Variants in ABCG2 observed in about 807,000 individuals in gnomAD.
ABCG2 encodes broad substrate specificity ATP-binding cassette transporter ABCG2.
Under a neutral mutation model 73.5 loss-of-function variants are expected in ABCG2, and 80 were observed. The ratio of observed to expected loss-of-function variants is 1.09; its 90% CI spans 0.91 to 1.31. ABCG2 has a LOEUF of 1.31. Ranked by LOEUF, ABCG2 falls within the 50% of genes most tolerant of loss-of-function variation. ABCG2 has a pLI of 0.00. For missense variants in ABCG2, 796 were observed against 786.2 expected, an observed-to-expected ratio of 1.01 and a Z score of -0.15; for synonymous variants, 269 against 282.4, an observed-to-expected ratio of 0.95 and a Z score of 0.48.
At chr4:88,224,741 C>T (rs919762397) in intron 1 of ABCG2, among the ~76,000 whole-genome samples, 1 of 152,082 alleles carries the variant, frequency 6.6e-6, no homozygotes, top group Non-Finnish European at 1.5e-5. Context: ...TATTTTGTTG[C>T]CTGTGCTTTT....
upstream of ABCG2, among the ~76,000 whole-genome samples, chr4:88,162,789 G>A (rs1347085466): frequency 6.6e-6 from 1 of 152,206 alleles, no homozygotes; most frequent in Non-Finnish European, 1.5e-5. Flanking sequence ...GTGCAAAGGA[G>A]ACTGATTTGC....
chr4:88,199,730 T>A (rs1433749851), intron 1 of ABCG2, among the ~76,000 whole-genome samples: 1 of 152,248 alleles, frequency 6.6e-6, no homozygotes, highest in Non-Finnish European at 1.5e-5. Context: ...CCGGGCGCAG[T>A]GGCTTACGCC....
At chr4:88,162,747 A>T (rs929411122), upstream of ABCG2, among the ~76,000 whole-genome samples, 1 of 152,214 alleles carries the variant, frequency 6.6e-6, no homozygotes, top group Non-Finnish European at 1.5e-5. Context: ...CAGATGTTAG[A>T]TGACTTTCCT....
intron 1 of ABCG2, among the ~76,000 whole-genome samples, chr4:88,221,248 A>AAC (rs3061247): frequency 0.99 from 151,426 of 152,262 alleles, 75,302 homozygotes; most frequent in East Asian, 1. Flanking sequence ...CGGCCTAGGC[A>AAC]AGAATGAAAC....
At chr4:88,207,175 A>G (rs1015064498) in intron 1 of ABCG2, among the ~76,000 whole-genome samples, 3 of 152,242 alleles carry the variant, frequency 2.0e-5, no homozygotes, top group Non-Finnish European at 2.9e-5. Flanking sequence ...AATCCAATGG[A>G]GAAATCTCTA....
At chr4:88,092,479 C>T in intron 15 of ABCG2, 98 bp from the exon 16 acceptor site, 1 of 1,311,410 alleles carries the variant, frequency 7.6e-7, no homozygotes, top group Admixed American at 2.4e-5. Context: ...AAAATTGAAC[C>T]AAGCCTTTAA....
chr4:88,230,291 T>TAATA lies in ABCG2; in HGVS notation c.-20+702_-20+703insTATT, dbSNP rs779334338. On this transcript the variant is annotated intron_variant, in intron 1 of 15. Transcript: ENST00000515655. ...TACAGGCATGATTACACCGCACCTGTTATATATATATATATATTTTTTTTT... is the reference window on the plus strand; with the variant it reads ...TACAGGCATGATTACACCGCACCTGTAATATATATATATATATATATTTTTTTTT... Among the ~76,000 whole-genome samples the TAATA allele has an allele frequency of 3.1e-4, 18 of 57,900 alleles. No individual in the cohort carries two copies. In the Admixed American group the frequency reaches 3.2e-3, roughly 10 times the overall value. 38.0% of individuals were successfully genotyped at this position (57,900 alleles called of 152,430 possible).
chr4:88,176,751 C>T lies in ABCG2; in HGVS notation c.-19-36737G>A, dbSNP rs1306868043. ...TCAAGCAGTCCTCTCGCCTTGGCCT[C>T]CTACTTCTGGGATTATAGGTATAAG... On this transcript the variant is annotated intron_variant, in intron 1 of 15. Coordinates refer to the ABCG2 transcript ENST00000515655. Among the ~76,000 whole-genome samples, 11 of 149,994 alleles carry T rather than the reference C, an allele frequency of 7.3e-5. No individual in the cohort carries two copies. The Admixed American group carries it at 7.4e-4, about 10-fold the overall frequency.
At chr4:88,160,708 G>A (rs6833839), upstream of ABCG2, among the ~76,000 whole-genome samples, 877 of 151,934 alleles carry the variant, frequency 5.8e-3, 10 homozygotes, top group African/African-American at 0.02. Context: ...AATTAGCCGG[G>A]CATGGTGGCT....
At chr4:88,144,541 C>T (rs1050153728) in intron 1 of ABCG2, among the ~76,000 whole-genome samples, 3 of 149,984 alleles carry the variant, frequency 2.0e-5, no homozygotes, top group East Asian at 2.0e-4. Context: ...CTGCAACCTC[C>T]GCCTCCCGGG....
intron 1 of ABCG2, among the ~76,000 whole-genome samples, chr4:88,205,196 T>A (rs1415855050): frequency 6.6e-6 from 1 of 152,220 alleles, no homozygotes; most frequent in Non-Finnish European, 1.5e-5. Flanking sequence ...AACTTCACAG[T>A]GTGGTGAAAT....
At chr4:88,156,370 CAA>C (rs56029010) in intron 1 of ABCG2, among the ~76,000 whole-genome samples, 6 of 69,090 alleles carry the variant, frequency 8.7e-5, no homozygotes, top group African/African-American at 3.2e-4. Flanking sequence ...GACTCCGTCT[CAA>C]AAAAAAAAAA....
At chr4:88,211,969 G>A (rs1333412049) in intron 1 of ABCG2, among the ~76,000 whole-genome samples, 1 of 152,160 alleles carries the variant, frequency 6.6e-6, no homozygotes, top group Non-Finnish European at 1.5e-5. Flanking sequence ...AGAGCTTTTG[G>A]TGCACAGCTA....
rs376774338 is a variant in ABCG2 at position 88,141,991 on chromosome 4, CA to C, written c.-19-1978del. 2.1e-3 allele frequency among the ~76,000 whole-genome samples: 322 copies of C among 151,914 alleles called. 2 individuals carry two copies. The highest frequency in any genetic ancestry group is 7.3e-3 in the African/African-American group (303 of 41,422). On this transcript the variant is annotated intron_variant, in intron 1 of 15. Transcript: ENST00000237612. Reference sequence around the variant, plus strand: ...AACAGCAGCTTTCCTAGTTTAGACACAAATTAGGAAAGAGAATTTAGTGAAC... The same window carrying C: ...AACAGCAGCTTTCCTAGTTTAGACACAATTAGGAAAGAGAATTTAGTGAAC...
chr4:88,158,801 G>T (rs977259490), upstream of ABCG2: 36 of 339,212 alleles, frequency 1.1e-4, no homozygotes, highest in Admixed American at 1.6e-3. Context: ...GATGGGAGCC[G>T]GCGGGTGGCC....
At chr4:88,142,592 CAG>C (rs1725717502) in intron 1 of ABCG2, among the ~76,000 whole-genome samples, 1 of 152,126 alleles carries the variant, frequency 6.6e-6, no homozygotes, top group Non-Finnish European at 1.5e-5. Context: ...GGCACAAGTA[CAG>C]TCAGCAGCCC....
intron 10 of ABCG2, among the ~76,000 whole-genome samples, chr4:88,104,663 G>GAA (rs146880547): frequency 4.9e-4 from 71 of 144,888 alleles, no homozygotes; most frequent in Admixed American, 6.7e-4. Flanking sequence ...GAGCTTTGGG[G>GAA]GAAAAAAAAA....
intron 1 of ABCG2, among the ~76,000 whole-genome samples, chr4:88,199,835 T>C (rs1729083295): frequency 6.6e-6 from 1 of 151,760 alleles, no homozygotes; most frequent in Non-Finnish European, 1.5e-5. Context: ...CCGTCTCTAC[T>C]AAAAATACAA....
chr4:88,146,013 C>T (rs1341841131), intron 1 of ABCG2, among the ~76,000 whole-genome samples: 3 of 151,870 alleles, frequency 2.0e-5, no homozygotes, highest in Non-Finnish European at 2.9e-5. Context: ...CAAGGACTAG[C>T]GGGGAGGTAA....
Sources: gnomAD v4.1 joint callset for allele counts (sites outside exome capture counted in the v4.1 genomes callset) on GRCh38, gnomAD v4.1.1 for gene constraint, MANE v1.5 for transcripts, NCBI Gene and HGNC (gene_info 2026-07-23, HGNC 2026-07-21) for gene names.